Variants in ASCC3 observed in about 807,000 individuals in gnomAD.
ASCC3 encodes the protein ASC-1 complex subunit P200.
In ASCC3, 158 loss-of-function variants were observed where a neutral mutation model predicts 256.3. The ratio of observed to expected loss-of-function variants is 0.62; its 90% CI spans 0.54 to 0.70. The LOEUF (loss-of-function observed/expected upper bound fraction) is 0.70. ASCC3 is among the 30% of genes least tolerant of loss of function. ASCC3 has a pLI of 0.00. For missense variants in ASCC3, 2,259 were observed against 2,626.0 expected (o/e 0.86, Z 3.05); for synonymous variants, 948 against 883.4 (o/e 1.07, Z -1.30).
intron 4 of ASCC3, among the ~76,000 whole-genome samples, chr6:100,825,775 A>G (rs967835356): frequency 2.0e-5 from 3 of 151,932 alleles, no homozygotes; most frequent in African/African-American, 4.8e-5. Flanking sequence ...ACATAGTCCC[A>G]TATTTCTTGG....
intron 4 of ASCC3, among the ~76,000 whole-genome samples, chr6:100,812,228 T>A (rs1486317491): frequency 4.6e-5 from 7 of 152,150 alleles, no homozygotes; most frequent in Non-Finnish European, 8.8e-5. Context: ...GTATCCACAA[T>A]ATATTAACTA....
intron 36 of ASCC3, among the ~76,000 whole-genome samples, chr6:100,566,276 C>A (rs546480364): frequency 3.0e-4 from 46 of 152,214 alleles, no homozygotes; most frequent in African/African-American, 1.1e-3. Context: ...CATAATCACA[C>A]ATTTTTTAAT....
chr6:100,810,250 C>T (rs1254430883), intron 4 of ASCC3, among the ~76,000 whole-genome samples: 3 of 152,100 alleles, frequency 2.0e-5, no homozygotes, highest in African/African-American at 7.2e-5. Context: ...GGCAGAATGA[C>T]CTTTCTAATC....
At position 100,823,810 on chromosome 6, in the gene ASCC3, G is replaced by C. The variant is rs566599034; in HGVS notation, c.802-17930C>G. 5.9e-5 allele frequency among the ~76,000 whole-genome samples: 9 copies of C among 152,188 alleles called. No individual in the cohort carries two copies. The South Asian group carries it at 1.9e-3, about 32-fold the overall frequency. On this transcript the variant is annotated intron_variant, in intron 4 of 41. Transcript: ENST00000369162. Reference sequence around the variant, plus strand: ...AATACAACACATTTAATAAACAAATGCAGCTTTGAATCTCTCAAGAAAGGT... The same window carrying C: ...AATACAACACATTTAATAAACAAATCCAGCTTTGAATCTCTCAAGAAAGGT...
rs766892759 is a variant in ASCC3, at chr6:100,767,145, C to T, written c.1596G>A (p.Lys532=). The T allele has an allele frequency of 1.2e-6, 2 of 1,613,114 alleles. No individual in the cohort carries two copies. Among genetic ancestry groups the T allele is most frequent in the Non-Finnish European group, 1.7e-6 (2 of 1,179,286 alleles). ...QQGVIKKNEF[K]IVYVAPMKAL... ...GCTGTTGTCTGATTTATTTACTTAC[C>T]TTAAATTCATTCTTTTTGATAACAC... The change falls in exon 9 of 42, where the codon AAG becomes AAA. Residue 532 remains lysine, a splice_region_variant and synonymous_variant. Transcript: ENST00000369162.
chr6:100,542,023 T>A (rs76278411), intron 36 of ASCC3, among the ~76,000 whole-genome samples: 2,749 of 152,130 alleles, frequency 0.018, 74 homozygotes, highest in African/African-American at 0.063. Context: ...AAAAAGAATT[T>A]AAAAAATCAA....
chr6:100,818,296 CG>C, intron 4 of ASCC3, among the ~76,000 whole-genome samples: 1 of 152,136 alleles, frequency 6.6e-6, no homozygotes, highest in African/African-American at 2.4e-5. Flanking sequence ...TGGCCAGGCA[CG>C]GTGGTTCATG....
chr6:100,734,924 T>A (rs565412236), intron 10 of ASCC3, among the ~76,000 whole-genome samples: 3 of 152,298 alleles, frequency 2.0e-5, no homozygotes, highest in Admixed American at 2.0e-4. Context: ...TATCTCTATT[T>A]CTGAGAACAC....
In ASCC3 at chr6:100,655,954, T is replaced by G. The variant is rs952186419; in HGVS notation, c.2704-136A>C. 18 of 916,098 alleles carry G rather than the reference T, an allele frequency of 2.0e-5. 1 individual carries two copies. Among genetic ancestry groups the G allele is most frequent in the Non-Finnish European group, 2.9e-5 (17 of 583,574 alleles). 56.7% of individuals were successfully genotyped at this position (916,098 alleles called of 1,614,324 possible). On this transcript the variant is annotated intron_variant, in intron 16 of 41. Coordinates refer to ENST00000369162, the MANE Select transcript of ASCC3 (RefSeq NM_006828.4). ...TTTTTAAAAAGGTAGGCATAGTGAC[T>G]GGACACAACACTTTGCCAATTAATT... is the stretch of plus-strand genomic sequence containing the variant.
At chr6:100,735,505 T>C (rs1449365944) in intron 10 of ASCC3, among the ~76,000 whole-genome samples, 2 of 152,116 alleles carry the variant, frequency 1.3e-5, no homozygotes, top group African/African-American at 4.8e-5. Context: ...GAAGAGTCCA[T>C]TCAGTAAAAT....
chr6:100,736,038 T>C (rs546129075), intron 10 of ASCC3, among the ~76,000 whole-genome samples: 1 of 152,186 alleles, frequency 6.6e-6, no homozygotes, highest in Non-Finnish European at 1.5e-5. Flanking sequence ...AGTAACTCTC[T>C]TGACTGCTGT....
chr6:100,788,672 G>A (rs1007216288), intron 8 of ASCC3, among the ~76,000 whole-genome samples: 1 of 151,666 alleles, frequency 6.6e-6, no homozygotes, highest in Admixed American at 6.6e-5. Flanking sequence ...AATGTCTAAT[G>A]TATTACATTA....
At chr6:100,651,772 G>A (rs1052058535) in intron 18 of ASCC3, 126 bp from the exon 19 acceptor site, 1 of 344,412 alleles carries the variant, frequency 2.9e-6, no homozygotes, top group African/African-American at 2.2e-5. Flanking sequence ...TATAATGTCT[G>A]TGTTACAGTA....
At position 100,631,111 on chromosome 6, in the gene ASCC3, T is replaced by G; in HGVS notation, c.4208+17A>C. 2 of 1,547,810 alleles carry G rather than the reference T, an allele frequency of 1.3e-6. No homozygotes were observed. The highest frequency in any genetic ancestry group is 1.8e-6 in the Non-Finnish European group (2 of 1,121,874). On this transcript the variant is annotated intron_variant, in intron 26 of 41. Transcript: ENST00000369162. ...GTCAATTCAAAGCGTATCTTTTGAGTAAAAGTAAGAACTTACTTTTTACCA... is the reference window on the plus strand; with the variant it reads ...GTCAATTCAAAGCGTATCTTTTGAGGAAAAGTAAGAACTTACTTTTTACCA...
At chr6:100,544,103 G>C (rs1775590953) in intron 36 of ASCC3, among the ~76,000 whole-genome samples, 1 of 152,040 alleles carries the variant, frequency 6.6e-6, no homozygotes, top group African/African-American at 2.4e-5. Context: ...CAGGAAATGA[G>C]AAAGTATTTT....
In ASCC3 at chr6:100,818,660, G is replaced by A. The variant is rs189591288; in HGVS notation, c.802-12780C>T. Among the ~76,000 whole-genome samples, 837 of 134,848 alleles carry A rather than the reference G, an allele frequency of 6.2e-3. 4 individuals carry two copies. Among genetic ancestry groups the A allele is most frequent in the Middle Eastern group, 0.026 (6 of 228 alleles). The allele number at this position is 134,848 out of a possible 152,430, so 88.5% of individuals were successfully genotyped here. On this transcript the variant is annotated intron_variant, in intron 4 of 41. Coordinates refer to ENST00000369162, the MANE Select transcript of ASCC3 (RefSeq NM_006828.4). The stretch of plus-strand genomic sequence containing the variant: ...AAAAACTGGATACTTAACCCACTAA[G>A]ATTAGAAATAAGAAAAAATAAGTCT...
In ASCC3 at chr6:100,848,543, G is replaced by C; in HGVS notation, c.406C>G (p.Arg136Gly). 1 of 1,614,024 alleles carries C rather than the reference G, an allele frequency of 6.2e-7. No individual in the cohort carries two copies. The highest frequency in any genetic ancestry group is 8.5e-7 in the Non-Finnish European group (1 of 1,180,004). Residue 136 changes from arginine to glycine, a missense_variant, in exon 4 of 42, where the codon CGA becomes GGA. By Grantham distance (125) the Arg-to-Gly change is moderately radical. Transcript: ENST00000369162. ...TCTTGACTAAAATGAGAAATAATTC[G>C]ATTAGTAGCATTACAAGCTGCAGTG... ...SATAACNATN[R>G]IISHFSQDDL...
At chr6:100,758,394 GGTGT>G (rs1396585725) in intron 10 of ASCC3, among the ~76,000 whole-genome samples, 1 of 151,988 alleles carries the variant, frequency 6.6e-6, no homozygotes, top group Non-Finnish European at 1.5e-5. Context: ...AATAGGTCCT[GGTGT>G]GTGTTGTTCC....
At chr6:100,858,123 C>G (rs917380249) in intron 3 of ASCC3, 1 of 385,816 alleles carries the variant, frequency 2.6e-6, no homozygotes, top group African/African-American at 2.2e-5. Context: ...CTTTTGTAAA[C>G]GTAAAATAAA....
Sources: gnomAD v4.1 joint callset for allele counts (sites outside exome capture counted in the v4.1 genomes callset) on GRCh38, gnomAD v4.1.1 for gene constraint, MANE v1.5 for transcripts, NCBI Gene and HGNC (gene_info 2026-07-23, HGNC 2026-07-21) for gene names.